Variants in MRRF observed in about 807,000 individuals in gnomAD.
The protein encoded by MRRF is ribosome-recycling factor, mitochondrial.
A neutral mutation model predicts 25.1 loss-of-function variants in MRRF; 18 were observed. That is an observed-to-expected ratio of 0.72 (90% CI 0.50 to 1.06). MRRF has a LOEUF of 1.06. Among genes scored for constraint, MRRF ranks in the 50% least tolerant of loss-of-function variants. The probability of loss-of-function intolerance (pLI) is 0.00; values close to 1 mark genes in which losing one functional copy is unlikely to be tolerated. For missense variants in MRRF, 323 were observed against 319.3 expected, an observed-to-expected ratio of 1.01 and a Z score of -0.09; for synonymous variants, 113 against 112.1, an observed-to-expected ratio of 1.01 and a Z score of -0.05.
chr9:122,308,167 C>T (rs1428382516), intron 5 of MRRF, among the ~76,000 whole-genome samples: 1 of 152,158 alleles, frequency 6.6e-6, no homozygotes, highest in Non-Finnish European at 1.5e-5. Flanking sequence ...GTGCTAGAGG[C>T]TCTCTGACCC....
rs1172073084 is a variant in MRRF at position 122,276,420 on chromosome 9, C to T, written c.185-4023C>T. Among the ~76,000 whole-genome samples, 15 of 152,110 alleles carry T rather than the reference C, an allele frequency of 9.9e-5. No homozygotes were observed. The South Asian group carries it at 1.9e-3, about 19-fold the overall frequency. ...ATCCTCTCGCCTTGGCCTTCCAGAG[C>T]GCTGGGATCACAGGTGTTGAGCCAT... On this transcript the variant is annotated intron_variant, in intron 2 of 6. Transcript: ENST00000344641.
At chr9:122,274,705 A>G (rs946956918) in intron 2 of MRRF, among the ~76,000 whole-genome samples, 6 of 152,120 alleles carry the variant, frequency 3.9e-5, no homozygotes, top group Admixed American at 1.3e-4. Context: ...TTGTTGATAT[A>G]AAGTTGTTCA....
intron 4 of MRRF, among the ~76,000 whole-genome samples, chr9:122,287,711 G>A (rs904569482): frequency 2.0e-5 from 3 of 152,154 alleles, no homozygotes; most frequent in African/African-American, 7.2e-5. Flanking sequence ...TTTCAACTCA[G>A]ACATCTTTGC....
In MRRF at chr9:122,325,422, A is replaced by G. The variant is rs976772690; in HGVS notation, c.*2805A>G. 6.6e-6 allele frequency: 1 copy of G among 152,204 alleles called. No homozygotes were observed. The highest frequency in any genetic ancestry group is 2.1e-4 in the South Asian group (1 of 4,830). The allele number at this position is 152,204 out of a possible 1,614,324, so 9.4% of individuals were successfully genotyped here. On this transcript the variant is annotated 3_prime_UTR_variant, in exon 7 of 7. Coordinates refer to ENST00000344641, the MANE Select transcript of MRRF (RefSeq NM_138777.5). ...TGGTGACAGGGACAAGAATGAGACT[A>G]CCTGTTTGGATGTGCTGAGAATGAG... is the stretch of plus-strand genomic sequence containing the variant.
rs1836150467 is a variant in MRRF at position 122,326,613 on chromosome 9, T to A, written c.*3996T>A. ...GCCCATGACACTATTTAAAAATTATTTCACATGCATTGGAGAATGTTTAAA... is the reference window on the plus strand; with the variant it reads ...GCCCATGACACTATTTAAAAATTATATCACATGCATTGGAGAATGTTTAAA... On this transcript the variant is annotated 3_prime_UTR_variant, in exon 7 of 7. Transcript: ENST00000344641. 6.6e-6 allele frequency: 1 copy of A among 152,192 alleles called. No homozygotes were observed. Among genetic ancestry groups the A allele is most frequent in the South Asian group, 2.1e-4 (1 of 4,832 alleles). 9.4% of individuals were successfully genotyped at this position (152,192 alleles called of 1,614,324 possible).
At chr9:122,302,367 T>G (rs902174852) in intron 5 of MRRF, among the ~76,000 whole-genome samples, 2 of 152,208 alleles carry the variant, frequency 1.3e-5, no homozygotes, top group African/African-American at 4.8e-5. Flanking sequence ...AACCTTCTCC[T>G]AGGGATTGCT....
chr9:122,287,966 T>C (rs908306006), intron 4 of MRRF, among the ~76,000 whole-genome samples: 7 of 152,232 alleles, frequency 4.6e-5, no homozygotes, highest in Admixed American at 4.6e-4. Context: ...CCTGTGTTTA[T>C]GTAATTTCTG....
intron 5 of MRRF, among the ~76,000 whole-genome samples, chr9:122,303,755 T>C (rs1834626753): frequency 6.6e-6 from 1 of 152,218 alleles, no homozygotes; most frequent in African/African-American, 2.4e-5. Context: ...TTAAGTAACT[T>C]GCTCATGGTC....
At chr9:122,282,022 T>A (rs372347981) in intron 3 of MRRF, among the ~76,000 whole-genome samples, 14 of 152,334 alleles carry the variant, frequency 9.2e-5, no homozygotes, top group African/African-American at 3.4e-4. Flanking sequence ...TGAATTAAGA[T>A]CCATTTCAAA....
intron 3 of MRRF, 112 bp downstream of exon 3, chr9:122,280,710 G>A: frequency 1.0e-6 from 1 of 983,574 alleles, no homozygotes; most frequent in South Asian, 1.4e-5. Context: ...GCCATGGGCA[G>A]TTACTTTGCT....
intron 2 of MRRF, among the ~76,000 whole-genome samples, chr9:122,273,496 G>A (rs547266457): frequency 1.3e-5 from 2 of 150,118 alleles, no homozygotes; most frequent in Admixed American, 6.7e-5. Flanking sequence ...CTTTAATCAG[G>A]TTTATTTCTG....
intron 2 of MRRF, among the ~76,000 whole-genome samples, chr9:122,275,285 G>C (rs112178717): frequency 6.6e-6 from 1 of 151,670 alleles, no homozygotes; most frequent in African/African-American, 2.4e-5. Flanking sequence ...ACCCCACCCC[G>C]CTGACCCCTG....
At chr9:122,318,219 T>TC (rs145907549) in intron 6 of MRRF, among the ~76,000 whole-genome samples, 2,703 of 151,808 alleles carry the variant, frequency 0.018, 77 homozygotes, top group African/African-American at 0.062. Flanking sequence ...CCTCACCTGT[T>TC]CCCCCCACCC....
intron 5 of MRRF, among the ~76,000 whole-genome samples, chr9:122,304,710 G>T (rs1834727007): frequency 6.6e-6 from 1 of 152,184 alleles, no homozygotes; most frequent in East Asian, 1.9e-4. Context: ...TCTTGGACGT[G>T]TTGGGGAGTA....
intron 5 of MRRF, among the ~76,000 whole-genome samples, chr9:122,309,872 A>G (rs369932856): frequency 6.6e-5 from 10 of 152,234 alleles, no homozygotes; most frequent in African/African-American, 2.2e-4. Context: ...TGTCTGTGAG[A>G]TGTTAAATTA....
In MRRF at chr9:122,322,672, G is replaced by T. The variant is rs1375703163; in HGVS notation, c.*55G>T. 4 of 1,504,618 alleles carry T rather than the reference G, an allele frequency of 2.7e-6. No homozygotes were observed. Among genetic ancestry groups the T allele is most frequent in the Admixed American group, 1.7e-5 (1 of 59,044 alleles). The allele number at this position is 1,504,618 out of a possible 1,614,324, so 93.2% of individuals were successfully genotyped here. ...GCCCAGTTTCTGCTGGATCCCATGG[G>T]TGGCACATTGGGACTTCTCTCCCTC... On this transcript the variant is annotated 3_prime_UTR_variant, in exon 7 of 7. Coordinates refer to ENST00000344641, the MANE Select transcript of MRRF (RefSeq NM_138777.5).
chr9:122,311,804 A>T (rs928278749), intron 5 of MRRF, among the ~76,000 whole-genome samples: 6 of 152,190 alleles, frequency 3.9e-5, no homozygotes, highest in Non-Finnish European at 8.8e-5. Context: ...AGGTTTCTTA[A>T]AGACTTAGAT....
chr9:122,267,772 A>G (rs1260311063), intron 1 of MRRF, among the ~76,000 whole-genome samples: 2 of 152,258 alleles, frequency 1.3e-5, no homozygotes, highest in Non-Finnish European at 2.9e-5. Context: ...AAATGAGTTC[A>G]TGTGCATAAA....
intron 5 of MRRF, among the ~76,000 whole-genome samples, chr9:122,299,919 C>T (rs1834339720): frequency 6.6e-6 from 1 of 152,134 alleles, no homozygotes; most frequent in East Asian, 1.9e-4. Flanking sequence ...CTTCAAATTC[C>T]TGTTCTGTCA....
Sources: allele counts gnomAD v4.1 joint callset (sites outside exome capture counted in the v4.1 genomes callset), GRCh38; gene constraint gnomAD v4.1.1; transcripts MANE v1.5; gene names NCBI Gene and HGNC (gene_info 2026-07-23, HGNC 2026-07-21).